Variants in GOLPH3 observed in about 807,000 individuals in gnomAD.
GOLPH3 encodes the protein golgi phosphoprotein 3, also known as coat protein GPP34.
In GOLPH3, 14 loss-of-function variants were observed where a neutral mutation model predicts 28.5. That is an observed-to-expected ratio of 0.49 (90% confidence interval 0.32 to 0.77). The LOEUF is 0.77. GOLPH3 is among the 30% of genes least tolerant of loss of function. The probability of loss-of-function intolerance (pLI) is 0.03; values close to 1 mark genes in which losing one functional copy is unlikely to be tolerated. For synonymous variants in GOLPH3, 158 were observed against 159.2 expected (o/e 0.99, Z 0.06); for missense variants, 350 against 393.7 (o/e 0.89, Z 0.94).
chr5:32,127,622 A>G (rs1581534829), intron 3 of GOLPH3, among the ~76,000 whole-genome samples: 2 of 152,222 alleles, frequency 1.3e-5, no homozygotes, highest in Admixed American at 1.3e-4. Flanking sequence ...GCTACACCCC[A>G]CAGGAACAGA....
chr5:32,143,958 A>T, intron 1 of GOLPH3, 78 bp from the exon 2 acceptor site: 1 of 964,476 alleles, frequency 1.0e-6, no homozygotes, highest in Non-Finnish European at 1.5e-6. Flanking sequence ...AAATATTATC[A>T]GCCAAAGTCA....
intron 1 of GOLPH3, among the ~76,000 whole-genome samples, chr5:32,147,050 C>T (rs1746191656): frequency 6.6e-6 from 1 of 152,016 alleles, no homozygotes; most frequent in African/African-American, 2.4e-5. Flanking sequence ...TTTGAAGTTA[C>T]ATAAATATTA....
chr5:32,140,972 A>G (rs2111851976), intron 2 of GOLPH3, among the ~76,000 whole-genome samples: 2 of 152,102 alleles, frequency 1.3e-5, no homozygotes, highest in Middle Eastern at 6.8e-3. Flanking sequence ...AGAGCAGCCC[A>G]GGCAACATAG....
At position 32,125,316 on chromosome 5, in the gene GOLPH3, T is replaced by TAC. The variant is rs1745653817; in HGVS notation, c.*895_*896insGT. On this transcript the variant is annotated 3_prime_UTR_variant, in exon 4 of 4. Transcript: ENST00000265070. ...ACAGTAAGATAAAATTTAAAAAAAATCTAACAAGGGGATGCATAGGCAAAG... is the reference window on the plus strand; with the variant it reads ...ACAGTAAGATAAAATTTAAAAAAAATACCTAACAAGGGGATGCATAGGCAAAG... 6.6e-6 allele frequency: 1 copy of TAC among 152,480 alleles called. No individual in the cohort carries two copies. Among genetic ancestry groups the TAC allele is most frequent in the African/African-American group, 2.4e-5 (1 of 41,372 alleles). The allele number at this position is 152,480 out of a possible 1,614,324, so 9.4% of individuals were successfully genotyped here. A position where few individuals can be genotyped will look rare whatever the true frequency, so the allele number is the denominator to read the frequency against.
rs575294609 is a variant in GOLPH3 at position 32,130,383 on chromosome 5, C to T, written c.473-3747G>A. ...CTATTTAAAAAACTACAGTTCAATC[C>T]TAAGATTAATTAATTATGTAAAGAA... On this transcript the variant is annotated intron_variant, in intron 3 of 3. Transcript: ENST00000265070. 3.3e-5 allele frequency among the ~76,000 whole-genome samples: 5 copies of T among 152,198 alleles called. No homozygotes were observed. In the East Asian group the frequency reaches 9.7e-4, roughly 29 times the overall value.
chr5:32,138,293 A>C (rs1745980410), intron 2 of GOLPH3, among the ~76,000 whole-genome samples: 1 of 152,226 alleles, frequency 6.6e-6, no homozygotes, highest in Non-Finnish European at 1.5e-5. Flanking sequence ...AAAATTAAAA[A>C]TATATACATA....
In GOLPH3 at chr5:32,126,650, T is replaced by C; in HGVS notation, c.473-14A>G. On this transcript the variant is annotated splice_polypyrimidine_tract_variant and intron_variant, in intron 3 of 3. Transcript: ENST00000265070. The stretch of plus-strand genomic sequence containing the variant: ...TCCATGTCTCACCTAAACAAAAGAT[T>C]TCAGAAGTTAGAAATGATGAGTATT... 6.3e-7 allele frequency: 1 copy of C among 1,598,246 alleles called. No homozygotes were observed. Among genetic ancestry groups the C allele is most frequent in the Non-Finnish European group, 8.5e-7 (1 of 1,172,438 alleles).
chr5:32,170,177 G>A (rs141522657), intron 1 of GOLPH3, among the ~76,000 whole-genome samples: 5 of 152,218 alleles, frequency 3.3e-5, no homozygotes, highest in South Asian at 2.1e-4. Flanking sequence ...AATCTCACAC[G>A]ATATGGATGA....
chr5:32,142,374 C>A (rs1180928207), intron 2 of GOLPH3, among the ~76,000 whole-genome samples: 1 of 150,706 alleles, frequency 6.6e-6, no homozygotes, highest in African/African-American at 2.5e-5. Flanking sequence ...CCGGCAGCCG[C>A]CCCGTCTGAG....
chr5:32,131,652 T>C (rs1745827194), intron 3 of GOLPH3, among the ~76,000 whole-genome samples: 1 of 152,232 alleles, frequency 6.6e-6, no homozygotes, highest in African/African-American at 2.4e-5. Context: ...AAATTTAAAA[T>C]GTAATGAATC....
At chr5:32,148,245 T>C (rs903936621) in intron 1 of GOLPH3, among the ~76,000 whole-genome samples, 11 of 152,188 alleles carry the variant, frequency 7.2e-5, no homozygotes, top group African/African-American at 2.7e-4. Flanking sequence ...ACTTCCATCT[T>C]TGAAAGGATT....
chr5:32,161,806 C>T (rs35671745), intron 1 of GOLPH3, among the ~76,000 whole-genome samples: 81,871 of 149,766 alleles, frequency 0.55, 24,051 homozygotes, highest in Admixed American at 0.63. Flanking sequence ...GGCGGGCGGA[C>T]CACGAGGTCA....
intron 3 of GOLPH3, among the ~76,000 whole-genome samples, chr5:32,128,042 C>A (rs139806888): frequency 6.6e-6 from 1 of 151,780 alleles, no homozygotes; most frequent in Non-Finnish European, 1.5e-5. Flanking sequence ...CTGCAGTGTG[C>A]AAAGCAGACT....
At chr5:32,128,514 C>T (rs543435329) in intron 3 of GOLPH3, among the ~76,000 whole-genome samples, 2 of 152,118 alleles carry the variant, frequency 1.3e-5, no homozygotes, top group East Asian at 3.9e-4. Context: ...AAAAAATTAG[C>T]CGGGCATCGT....
intron 1 of GOLPH3, among the ~76,000 whole-genome samples, chr5:32,152,031 T>C (rs116565639): frequency 1.8e-3 from 271 of 152,264 alleles, no homozygotes; most frequent in Middle Eastern, 6.8e-3. Flanking sequence ...AGAGGGATAG[T>C]GGTGATGACG....
intron 1 of GOLPH3, among the ~76,000 whole-genome samples, chr5:32,165,117 C>T (rs1041895249): frequency 2.6e-5 from 4 of 151,706 alleles, no homozygotes; most frequent in African/African-American, 9.7e-5. Flanking sequence ...CCAGGCTGGT[C>T]GCTAACTCCC....
At chr5:32,135,534 A>C in intron 3 of GOLPH3, 38 bp downstream of exon 3, 1 of 1,232,462 alleles carries the variant, frequency 8.1e-7, no homozygotes, top group Non-Finnish European at 1.2e-6. Context: ...CAATCTTTTA[A>C]ACAGAAGTTG....
intron 3 of GOLPH3, among the ~76,000 whole-genome samples, chr5:32,127,229 A>C (rs564545321): frequency 6.6e-6 from 1 of 152,350 alleles, no homozygotes; most frequent in East Asian, 1.9e-4. Context: ...ACGATTTTTC[A>C]CTAAAGTGGG....
rs537198681 is a variant in GOLPH3, at chr5:32,174,206, G to C, written c.-172C>G. On this transcript the variant is annotated 5_prime_UTR_variant, in exon 1 of 4. Transcript: ENST00000265070. ...TCATGAGGAAACAGGTCAGGGCGAA[G>C]CGGGCTGGCCGGGCGTCGGCGGGGC... 2.3e-5 allele frequency: 9 copies of C among 399,308 alleles called. No individual in the cohort carries two copies. Among genetic ancestry groups the C allele is most frequent in the African/African-American group, 1.9e-4 (9 of 48,190 alleles). 24.7% of individuals were successfully genotyped at this position (399,308 alleles called of 1,614,324 possible). A position where few individuals can be genotyped will look rare whatever the true frequency, so the allele number is the denominator to read the frequency against.
Sources: allele counts gnomAD v4.1 joint callset (sites outside exome capture counted in the v4.1 genomes callset), GRCh38; gene constraint gnomAD v4.1.1; transcripts MANE v1.5; gene names NCBI Gene and HGNC (gene_info 2026-07-23, HGNC 2026-07-21).